SHPRH: variants seen among roughly 807,000 people sequenced by gnomAD.
SHPRH encodes SNF2 histone linker PHD RING helicase.
SHPRH carries 106 observed loss-of-function variants against 202.5 expected under a neutral mutation model. That is an observed-to-expected ratio of 0.52 (90% CI 0.45 to 0.62). The LOEUF is 0.62. SHPRH is among the 20% of genes least tolerant of loss of function. The pLI, the probability that SHPRH is intolerant of heterozygous loss-of-function variation, is 0.00. For missense variants in SHPRH, 1,710 were observed against 2,020.0 expected (o/e 0.85, Z 2.94); for synonymous variants, 729 against 686.0 (o/e 1.06, Z -0.98).
At chr6:145,862,249 C>T (rs1487154832), downstream of SHPRH, among the ~76,000 whole-genome samples, 1 of 151,266 alleles carries the variant, frequency 6.6e-6, no homozygotes, top group Non-Finnish European at 1.5e-5. Context: ...ATCACGAGGT[C>T]AGGAGATTGA....
intron 2 of SHPRH, among the ~76,000 whole-genome samples, chr6:145,868,319 C>G (rs1779895817): frequency 6.6e-6 from 1 of 152,110 alleles, no homozygotes; most frequent in African/African-American, 2.4e-5. Flanking sequence ...CAACGTACAA[C>G]TTTTTTGAAG....
In SHPRH at chr6:145,922,266, T is replaced by C. The variant is rs769233139; in HGVS notation, c.3782+20A>G. ...AATGTTTCATTTTCTTGATGGGTAA[T>C]AATCAAATAGAGAACTTACGTGTTG... On this transcript the variant is annotated intron_variant, in intron 20 of 29. Transcript: ENST00000275233. 3.2e-6 allele frequency: 5 copies of C among 1,578,950 alleles called. No individual in the cohort carries two copies. In the South Asian group the frequency reaches 5.8e-5, roughly 18 times the overall value.
Position 145,933,107 on chromosome 6 carries a change from C to G in SHPRH, c.3062G>C (p.Arg1021Pro). ...GCCATTGAGAGCACAAACTAGCTGT[C>G]GATGTGCTTCTTCACATTCAGTTCC... ...KCGTECEEAHRQLVCALNGLA... is the reference protein window; with the variant it reads ...KCGTECEEAHPQLVCALNGLA... Residue 1021 changes from arginine to proline, a missense_variant, in exon 14 of 30, where the codon CGA (arginine) becomes CCA (proline). Arg to Pro is a moderately radical substitution (Grantham distance 103). This residue lies in a region of SHPRH where 288 missense variants were observed against 317.8 expected (regional missense o/e 0.91). Coordinates refer to ENST00000275233, the MANE Select transcript of SHPRH (RefSeq NM_001042683.3). The G allele has an allele frequency of 6.2e-7, 1 of 1,613,894 alleles. No individual in the cohort carries two copies.
At chr6:145,864,312 G>T in exon 3 of SHPRH, 1 of 378,694 alleles carries the variant, frequency 2.6e-6, no homozygotes, top group Non-Finnish European at 5.5e-6. Context: ...TTTTACTTGT[G>T]CAAAACATCT....
intron 1 of SHPRH, among the ~76,000 whole-genome samples, chr6:145,959,755 T>G (rs1378418706): frequency 1.3e-5 from 2 of 152,248 alleles, no homozygotes; most frequent in African/African-American, 2.4e-5. Context: ...AAGTCAATCA[T>G]GAGAATTCTA....
chr6:145,891,073 A>C (rs2128713096), intron 28 of SHPRH, among the ~76,000 whole-genome samples: 1 of 152,086 alleles, frequency 6.6e-6, no homozygotes. Flanking sequence ...GATTCTTTTA[A>C]AACTTAAGTG....
rs761847830 is a variant in SHPRH, at chr6:145,885,270, AAC to A, written c.*1419_*1420del. ...TTAATATGTGAAGAGCTATAAAAAT[AAC>A]AGTTTGATTTAATTTCATATAAAAG... On this transcript the variant is annotated 3_prime_UTR_variant, in exon 30 of 30. Transcript: ENST00000275233. The A allele has an allele frequency of 4.6e-5, 7 of 152,408 alleles. No homozygotes were observed. The highest frequency in any genetic ancestry group is 1.9e-4 in the East Asian group (1 of 5,206). The allele number at this position is 152,408 out of a possible 1,614,324, so 9.4% of individuals were successfully genotyped here. A position where few individuals can be genotyped will look rare whatever the true frequency, so the allele number is the denominator to read the frequency against.
chr6:145,934,800 A>G (rs562817776), intron 13 of SHPRH, 107 bp downstream of exon 13: 19 of 1,089,662 alleles, frequency 1.7e-5, no homozygotes, highest in African/African-American at 6.3e-5. Context: ...CTACACCATT[A>G]AAGATAACTG....
At chr6:145,919,279 T>G (rs533098408) in intron 22 of SHPRH, 69 bp downstream of exon 22, 1 of 1,589,162 alleles carries the variant, frequency 6.3e-7, no homozygotes, top group East Asian at 2.2e-5. Flanking sequence ...ATTCTGCCTT[T>G]TCTATGGGTC....
chr6:145,896,317 TAA>T, intron 25 of SHPRH, among the ~76,000 whole-genome samples: 1 of 152,158 alleles, frequency 6.6e-6, no homozygotes, highest in African/African-American at 2.4e-5. Flanking sequence ...GAAATTAGTG[TAA>T]AGGTGATCAT....
chr6:145,892,536 T>G (rs1413456872), intron 28 of SHPRH, among the ~76,000 whole-genome samples: 1 of 152,132 alleles, frequency 6.6e-6, no homozygotes, highest in East Asian at 1.9e-4. Context: ...AAATACTGAT[T>G]TAGTAAGTGC....
At chr6:145,923,137 C>T (rs965843525) in intron 18 of SHPRH, among the ~76,000 whole-genome samples, 6 of 151,928 alleles carry the variant, frequency 3.9e-5, no homozygotes, top group Middle Eastern at 3.4e-3. Context: ...CACATTCTTC[C>T]GTTTTAAGCC....
intron 4 of SHPRH, 90 bp from the exon 5 acceptor site, chr6:145,948,440 T>C (rs1787625985): frequency 3.3e-6 from 3 of 901,142 alleles, no homozygotes; most frequent in Non-Finnish European, 5.0e-6. Context: ...ACAGTGAGGA[T>C]ACTCTGGCAT....
intron 20 of SHPRH, 128 bp downstream of exon 20, chr6:145,922,157 TA>T (rs1439605253): frequency 9.4e-6 from 7 of 743,108 alleles, no homozygotes; most frequent in Non-Finnish European, 1.3e-5. Flanking sequence ...AAAGGTGTAC[TA>T]ATCAATTTAA....
chr6:145,879,361 G>A (rs985176639), intron 2 of SHPRH, among the ~76,000 whole-genome samples: 2 of 151,982 alleles, frequency 1.3e-5, no homozygotes, highest in Non-Finnish European at 2.9e-5. Flanking sequence ...GTTGGCTGAA[G>A]ATATTCTGGA....
intron 25 of SHPRH, chr6:145,905,436 A>G (rs1050921950): frequency 3.9e-5 from 6 of 152,068 alleles, no homozygotes; most frequent in African/African-American, 1.4e-4. Flanking sequence ...TGCTTTAAAA[A>G]TATAGTCCTC....
chr6:145,859,112 C>T, the SHPRH span, among the ~76,000 whole-genome samples: 1 of 151,856 alleles, frequency 6.6e-6, no homozygotes, highest in Non-Finnish European at 1.5e-5. Flanking sequence ...AAAACTTTTC[C>T]TTGGGAGATC....
At chr6:145,951,214 T>A (rs1787940289) in intron 3 of SHPRH, among the ~76,000 whole-genome samples, 1 of 152,102 alleles carries the variant, frequency 6.6e-6, no homozygotes, top group South Asian at 2.1e-4. Context: ...ACCTTGAACA[T>A]ATTTACAAAC....
chr6:145,954,160 A>G (rs562272860), intron 2 of SHPRH, among the ~76,000 whole-genome samples: 1 of 151,896 alleles, frequency 6.6e-6, no homozygotes, highest in Non-Finnish European at 1.5e-5. Flanking sequence ...AGAAGGAACT[A>G]TAAGAACAAA....
Sources: gnomAD v4.1 joint callset for allele counts (sites outside exome capture counted in the v4.1 genomes callset) on GRCh38, gnomAD v4.1.1 for gene constraint, gnomAD v4.1.1 regional missense constraint, MANE v1.5 for transcripts, NCBI Gene and HGNC (gene_info 2026-07-23, HGNC 2026-07-21) for gene names.